RNF24: variants seen among roughly 807,000 people sequenced by gnomAD.
RNF24 encodes the protein ring finger protein 24.
RNF24 carries 14 observed loss-of-function variants against 20.0 expected under a neutral mutation model. That is an observed-to-expected ratio of 0.70 (90% CI 0.46 to 1.10). The LOEUF is 1.10. Among genes scored for constraint, RNF24 ranks in the 50% least tolerant of loss-of-function variants. The pLI is 0.00. For missense variants in RNF24, 124 were observed against 177.6 expected (o/e 0.70, Z 1.71); for synonymous variants, 45 against 61.1 (o/e 0.74, Z 1.23).
chr20:3,997,910 C>T (rs1242777709), intron 1 of RNF24, among the ~76,000 whole-genome samples: 2 of 152,188 alleles, frequency 1.3e-5, no homozygotes, highest in Admixed American at 1.3e-4. Context: ...AATTAAGTAT[C>T]GCAGTCCAAA....
intron 1 of RNF24, among the ~76,000 whole-genome samples, chr20:3,999,802 T>C (rs6052228): frequency 0.89 from 135,646 of 152,274 alleles, 60,781 homozygotes; most frequent in Non-Finnish European, 0.93. Flanking sequence ...CACTTCATCT[T>C]TTCTTCCTTC....
chr20:3,962,183 T>C (rs117975507), intron 2 of RNF24, among the ~76,000 whole-genome samples: 2,691 of 152,126 alleles, frequency 0.018, 51 homozygotes, highest in Non-Finnish European at 0.03. Flanking sequence ...CAAATCCCCA[T>C]TTCTACCAAA....
Position 3,931,290 on chromosome 20 carries a change from C to T in RNF24, c.*2773G>A, listed in dbSNP as rs1162191024. The stretch of plus-strand genomic sequence containing the variant: ...GAATCCCCACGCAGCTACACAGTAA[C>T]AAGTCCCAGCAACTCCTGAAGATAG... On this transcript the variant is annotated 3_prime_UTR_variant, in exon 6 of 6. Transcript: ENST00000358395. 2 of 152,198 alleles carry T rather than the reference C, an allele frequency of 1.3e-5. No homozygotes were observed. The highest frequency in any genetic ancestry group is 2.9e-5 in the Non-Finnish European group (2 of 68,056). The allele number at this position is 152,198 out of a possible 1,614,324, so 9.4% of individuals were successfully genotyped here.
chr20:3,949,183 C>G (rs2091053652), intron 2 of RNF24, among the ~76,000 whole-genome samples: 1 of 152,182 alleles, frequency 6.6e-6, no homozygotes, highest in Non-Finnish European at 1.5e-5. Flanking sequence ...AGTTTGAGAC[C>G]AGCCTGGTCA....
chr20:3,996,490 C>T (rs919161026), intron 1 of RNF24, among the ~76,000 whole-genome samples: 2 of 152,100 alleles, frequency 1.3e-5, no homozygotes, highest in African/African-American at 2.4e-5. Context: ...ATGGTAGCTG[C>T]TCTTTGGTTT....
chr20:3,940,109 C>CCA (rs1227346484), intron 4 of RNF24, among the ~76,000 whole-genome samples: 1 of 152,034 alleles, frequency 6.6e-6, no homozygotes. Context: ...CAGGCATGCA[C>CCA]CACCACACCC....
chr20:3,981,332 T>C (rs1164973593), intron 1 of RNF24, among the ~76,000 whole-genome samples: 2 of 152,044 alleles, frequency 1.3e-5, no homozygotes, highest in South Asian at 2.1e-4. Context: ...TACCCACTTA[T>C]ATTCTCTTTT....
chr20:3,968,123 G>A (rs1239552341), intron 1 of RNF24, among the ~76,000 whole-genome samples: 1 of 151,986 alleles, frequency 6.6e-6, no homozygotes, highest in Non-Finnish European at 1.5e-5. Context: ...GGCTAATGTG[G>A]TGAAACCCCG....
chr20:3,943,729 T>C (rs1225845697), intron 4 of RNF24, among the ~76,000 whole-genome samples: 2 of 152,174 alleles, frequency 1.3e-5, no homozygotes, highest in South Asian at 2.1e-4. Flanking sequence ...AATGTATTTA[T>C]TCAGGACAAA....
intron 3 of RNF24, among the ~76,000 whole-genome samples, chr20:3,947,539 G>A (rs1358429257): frequency 2.6e-5 from 4 of 152,170 alleles, no homozygotes. Context: ...TGAGATCACT[G>A]TAACACAGCT....
intron 1 of RNF24, among the ~76,000 whole-genome samples, chr20:3,979,032 T>G (rs1290380416): frequency 2.3e-4 from 34 of 147,802 alleles, no homozygotes; most frequent in Non-Finnish European, 4.6e-4. Flanking sequence ...AGGCGGAGGG[T>G]GCAGTGAGCC....
chr20:3,977,967 A>G (rs1979030009), intron 1 of RNF24, among the ~76,000 whole-genome samples: 1 of 152,226 alleles, frequency 6.6e-6, no homozygotes, highest in Non-Finnish European at 1.5e-5. Context: ...CACGTACAAA[A>G]ATACAGTTAG....
intron 1 of RNF24, among the ~76,000 whole-genome samples, chr20:4,012,576 C>T (rs1982549793): frequency 6.6e-6 from 1 of 152,174 alleles, no homozygotes; most frequent in Non-Finnish European, 1.5e-5. Context: ...CCATCACTAA[C>T]ATAATATTAC....
At chr20:3,984,640 A>G (rs1200394290) in intron 1 of RNF24, among the ~76,000 whole-genome samples, 2 of 152,250 alleles carry the variant, frequency 1.3e-5, no homozygotes, top group Non-Finnish European at 2.9e-5. Flanking sequence ...TCAGGGTTCA[A>G]AAATCTTTTA....
intron 4 of RNF24, among the ~76,000 whole-genome samples, chr20:3,939,101 A>G (rs2090925029): frequency 6.6e-6 from 1 of 152,056 alleles, no homozygotes; most frequent in Non-Finnish European, 1.5e-5. Flanking sequence ...TTTAGATGTC[A>G]TATCTAAGAA....
chr20:4,012,826 T>C (rs947315474), intron 1 of RNF24, among the ~76,000 whole-genome samples: 2 of 152,196 alleles, frequency 1.3e-5, no homozygotes, highest in East Asian at 1.9e-4. Flanking sequence ...TTCCATGAAA[T>C]TGCGATACTG....
intron 1 of RNF24, among the ~76,000 whole-genome samples, chr20:3,996,488 T>C (rs1176076649): frequency 1.3e-5 from 2 of 152,192 alleles, no homozygotes; most frequent in African/African-American, 4.8e-5. Context: ...GAATGGTAGC[T>C]GCTCTTTGGT....
intron 1 of RNF24, among the ~76,000 whole-genome samples, chr20:3,992,853 G>C (rs1017836526): frequency 1.3e-5 from 2 of 152,118 alleles, no homozygotes. Context: ...GTAAATCTTT[G>C]TATTAAATAG....
At chr20:3,961,673 C>A (rs1600659437) in intron 2 of RNF24, among the ~76,000 whole-genome samples, 1 of 151,708 alleles carries the variant, frequency 6.6e-6, no homozygotes, top group East Asian at 1.9e-4. Flanking sequence ...CATATGATAA[C>A]CCTCCCTTAA....
Sources: gnomAD v4.1 joint callset for allele counts (sites outside exome capture counted in the v4.1 genomes callset) on GRCh38, gnomAD v4.1.1 for gene constraint, MANE v1.5 for transcripts, NCBI Gene and HGNC (gene_info 2026-07-23, HGNC 2026-07-21) for gene names.